The following PDE1A variants were observed in gnomAD, a reference collection of about 807,000 sequenced individuals.
The protein encoded by PDE1A is dual specificity calcium/calmodulin-dependent 3',5'-cyclic nucleotide phosphodiesterase 1A.
PDE1A carries 35 observed loss-of-function variants against 61.7 expected under a neutral mutation model. The observed-to-expected ratio is 0.57, with a 90% CI of 0.43 to 0.75. The LOEUF (loss-of-function observed/expected upper bound fraction) is 0.75, where lower values mean the gene tolerates loss of function less well. Among genes scored for constraint, PDE1A ranks in the 30% least tolerant of loss-of-function variants. PDE1A has a pLI of 0.00. For missense variants in PDE1A, 597 were observed against 630.6 expected (o/e 0.95, Z 0.57); for synonymous variants, 232 against 213.2 (o/e 1.09, Z -0.77).
At chr2:182,285,711 C>T (rs139329758) in intron 1 of PDE1A, among the ~76,000 whole-genome samples, 5 of 152,150 alleles carry the variant, frequency 3.3e-5, no homozygotes, top group African/African-American at 9.6e-5. Flanking sequence ...TGTGACCCAC[C>T]ATAGTAAGAA....
the PDE1A span, among the ~76,000 whole-genome samples, chr2:182,695,262 A>T: frequency 6.6e-6 from 1 of 152,162 alleles, no homozygotes; most frequent in Admixed American, 6.6e-5. Flanking sequence ...GAGAGGTCAG[A>T]GGGCAAACCA....
chr2:182,618,859 T>C, the PDE1A span, among the ~76,000 whole-genome samples: 1 of 152,066 alleles, frequency 6.6e-6, no homozygotes, highest in Non-Finnish European at 1.5e-5. Context: ...TAAATGAATG[T>C]CCTACAAAGA....
chr2:182,650,456 G>A, the PDE1A span, among the ~76,000 whole-genome samples: 4 of 152,076 alleles, frequency 2.6e-5, no homozygotes, highest in Admixed American at 2.6e-4. Context: ...GGAACATTCA[G>A]TTAGCACCTA....
At chr2:182,492,360 G>A (rs1177044441) in intron 2 of PDE1A, among the ~76,000 whole-genome samples, 2 of 152,166 alleles carry the variant, frequency 1.3e-5, no homozygotes, top group East Asian at 1.9e-4. Context: ...AAAAAAGCAA[G>A]CATCAAGCTC....
At chr2:182,346,706 T>C (rs191538958) in intron 1 of PDE1A, among the ~76,000 whole-genome samples, 62 of 152,274 alleles carry the variant, frequency 4.1e-4, no homozygotes, top group Non-Finnish European at 7.8e-4. Context: ...GATGAATCTA[T>C]GCACATACAG....
At chr2:182,174,714 G>T (rs1692568601) in intron 13 of PDE1A, among the ~76,000 whole-genome samples, 1 of 151,538 alleles carries the variant, frequency 6.6e-6, no homozygotes, top group South Asian at 2.1e-4. Context: ...AACAGAACAG[G>T]TTATCTCATT....
rs1690077881 is a variant in PDE1A, at chr2:182,515,533, T to C, written c.101+6743A>G. On this transcript the variant is annotated intron_variant, in intron 2 of 14. Transcript: ENST00000410103. ...TCTGTAAGGTATTCCACCTTAATAA[T>C]GTTAGTTCTATAAACTATAACATAA... Among the ~76,000 whole-genome samples, 3 of 152,338 alleles carry C rather than the reference T, an allele frequency of 2.0e-5. No homozygotes were observed. In the South Asian group the frequency reaches 6.2e-4, roughly 32 times the overall value.
At chr2:182,537,767 T>A in the PDE1A span, among the ~76,000 whole-genome samples, 3 of 152,032 alleles carry the variant, frequency 2.0e-5, no homozygotes, top group Non-Finnish European at 4.4e-5. Flanking sequence ...ACTTGGCATA[T>A]TAGACAATCA....
the PDE1A span, among the ~76,000 whole-genome samples, chr2:182,687,907 C>G: frequency 6.6e-6 from 1 of 151,704 alleles, no homozygotes; most frequent in African/African-American, 2.4e-5. Context: ...CCGATTCGAT[C>G]AACTGGAAAA....
chr2:182,618,527 G>T, the PDE1A span, among the ~76,000 whole-genome samples: 1 of 147,080 alleles, frequency 6.8e-6, no homozygotes, highest in African/African-American at 2.5e-5. Flanking sequence ...TAAGGCTGAA[G>T]AATCTACACT....
intron 2 of PDE1A, among the ~76,000 whole-genome samples, chr2:182,495,624 A>G (rs1377182769): frequency 6.6e-6 from 1 of 152,174 alleles, no homozygotes; most frequent in Non-Finnish European, 1.5e-5. Context: ...CCTCTAAAAG[A>G]GAAAGTAAAG....
chr2:182,621,844 G>A, the PDE1A span, among the ~76,000 whole-genome samples: 1 of 152,148 alleles, frequency 6.6e-6, no homozygotes, highest in African/African-American at 2.4e-5. Context: ...TTCTGATTTA[G>A]TATGAAATTT....
the PDE1A span, among the ~76,000 whole-genome samples, chr2:182,561,366 A>G: frequency 2.0e-5 from 3 of 152,080 alleles, no homozygotes; most frequent in East Asian, 1.9e-4. Context: ...AGATAGTTGT[A>G]GATATGAGGT....
intron 3 of PDE1A, 54 bp from the exon 4 acceptor site, chr2:182,234,552 A>C: frequency 8.7e-7 from 1 of 1,145,134 alleles, no homozygotes; most frequent in Non-Finnish European, 1.3e-6. Flanking sequence ...CAAAGTTTTC[A>C]ACTATTTCTT....
At chr2:182,466,739 T>G (rs575402861) in intron 2 of PDE1A, among the ~76,000 whole-genome samples, 6 of 152,154 alleles carry the variant, frequency 3.9e-5, no homozygotes, top group East Asian at 1.9e-4. Flanking sequence ...GGCTCTTGAC[T>G]GAAGCATCCA....
At chr2:182,710,837 A>G in the PDE1A span, among the ~76,000 whole-genome samples, 7 of 152,056 alleles carry the variant, frequency 4.6e-5, no homozygotes, top group Admixed American at 1.3e-4. Flanking sequence ...TTTTTCTCGA[A>G]TCTGTTTATT....
At chr2:182,258,083 G>A (rs1310321676) in intron 2 of PDE1A, among the ~76,000 whole-genome samples, 1 of 151,896 alleles carries the variant, frequency 6.6e-6, no homozygotes, top group Non-Finnish European at 1.5e-5. Context: ...CAGGAGAATG[G>A]CATGAACCCG....
chr2:182,649,504 T>C, the PDE1A span, among the ~76,000 whole-genome samples: 1 of 151,372 alleles, frequency 6.6e-6, no homozygotes, highest in South Asian at 2.1e-4. Context: ...GAGCAGTGGC[T>C]GACAATTGTA....
At chr2:182,495,706 C>G (rs963393662) in intron 2 of PDE1A, among the ~76,000 whole-genome samples, 2 of 152,194 alleles carry the variant, frequency 1.3e-5, no homozygotes, top group Non-Finnish European at 2.9e-5. Context: ...CACCCCCGCT[C>G]CTTCAAGTAT....
Sources: gnomAD v4.1 joint callset for allele counts (sites outside exome capture counted in the v4.1 genomes callset) on GRCh38, gnomAD v4.1.1 for gene constraint, MANE v1.5 for transcripts, NCBI Gene and HGNC (gene_info 2026-07-23, HGNC 2026-07-21) for gene names.